Variants in NAF1 observed in about 807,000 individuals in gnomAD.
NAF1 encodes H/ACA ribonucleoprotein complex non-core subunit NAF1.
NAF1 carries 11 observed loss-of-function variants against 40.6 expected under a neutral mutation model. That is an observed-to-expected ratio of 0.27 (90% CI 0.17 to 0.45). The LOEUF (loss-of-function observed/expected upper bound fraction) is 0.45, where lower values mean the gene tolerates loss of function less well. Among genes scored for constraint, NAF1 ranks in the 20% least tolerant of loss-of-function variants. NAF1 has a pLI of 1.00. For missense variants in NAF1, 607 were observed against 611.1 expected, an observed-to-expected ratio of 0.99 and a Z score of 0.07; for synonymous variants, 260 against 228.5, an observed-to-expected ratio of 1.14 and a Z score of -1.24.
intron 4 of NAF1, among the ~76,000 whole-genome samples, chr4:163,145,076 G>A (rs1731409684): frequency 6.6e-6 from 1 of 152,048 alleles, no homozygotes; most frequent in South Asian, 2.1e-4. Flanking sequence ...CCTATTGCCA[G>A]GAAATAAATA....
chr4:163,140,004 G>A (rs1731195422), intron 5 of NAF1, among the ~76,000 whole-genome samples: 1 of 152,040 alleles, frequency 6.6e-6, no homozygotes, highest in South Asian at 2.1e-4. Context: ...TGGCTCAAAT[G>A]TGCTCTTAAT....
intron 2 of NAF1, among the ~76,000 whole-genome samples, chr4:163,112,706 T>C (rs752339665): frequency 1.3e-5 from 2 of 152,292 alleles, no homozygotes; most frequent in Non-Finnish European, 2.9e-5. Context: ...AGGCTCTTTT[T>C]GTGAAGAGGG....
downstream of NAF1, among the ~76,000 whole-genome samples, chr4:163,108,469 A>C (rs1579109439): frequency 6.6e-6 from 1 of 152,232 alleles, no homozygotes; most frequent in Non-Finnish European, 1.5e-5. Context: ...TTATGAAAAG[A>C]AAATAATATT....
chr4:163,111,454 G>A (rs1730156817), intron 2 of NAF1, among the ~76,000 whole-genome samples: 1 of 152,138 alleles, frequency 6.6e-6, no homozygotes, highest in Non-Finnish European at 1.5e-5. Flanking sequence ...AATAGAATGA[G>A]CTTGATCAAC....
intron 2 of NAF1, among the ~76,000 whole-genome samples, chr4:163,115,477 T>C (rs1730307388): frequency 1.3e-5 from 2 of 152,174 alleles, no homozygotes; most frequent in East Asian, 3.9e-4. Context: ...ATTACAGGCG[T>C]GAGCCACCAC....
chr4:163,159,336 T>C (rs1732123476), intron 2 of NAF1, among the ~76,000 whole-genome samples: 1 of 152,094 alleles, frequency 6.6e-6, no homozygotes, highest in African/African-American at 2.4e-5. Context: ...ATTGCTTAAA[T>C]AACAAGCACT....
chr4:163,150,976 A>C (rs1021281864), intron 2 of NAF1, among the ~76,000 whole-genome samples: 1 of 152,084 alleles, frequency 6.6e-6, no homozygotes, highest in Non-Finnish European at 1.5e-5. Context: ...ATCTTGCTTT[A>C]ATTTGAATTT....
intron 2 of NAF1, among the ~76,000 whole-genome samples, chr4:163,163,939 T>A (rs1156484877): frequency 6.6e-6 from 1 of 152,062 alleles, no homozygotes; most frequent in East Asian, 1.9e-4. Context: ...AAGAAATATC[T>A]TCTTCTAGGG....
rs574808680 is a variant in NAF1 at position 163,133,308 on chromosome 4, A to G, written c.931-52T>C. Reference sequence around the variant, plus strand: ...TTATGTTACATGAATTTGCCAATTCAATAGTACATACTTGGAGGTGAAGAA... The same window carrying G: ...TTATGTTACATGAATTTGCCAATTCGATAGTACATACTTGGAGGTGAAGAA... On this transcript the variant is annotated intron_variant, in intron 6 of 7. Transcript: ENST00000274054. 3 of 1,395,416 alleles carry G rather than the reference A, an allele frequency of 2.1e-6. No homozygotes were observed. The Admixed American group carries it at 5.3e-5, about 25-fold the overall frequency. 86.4% of individuals were successfully genotyped at this position (1,395,416 alleles called of 1,614,324 possible). A position where few individuals can be genotyped will look rare whatever the true frequency, so the allele number is the denominator to read the frequency against.
At chr4:163,151,613 A>C (rs1204813906) in intron 2 of NAF1, among the ~76,000 whole-genome samples, 1 of 152,124 alleles carries the variant, frequency 6.6e-6, no homozygotes, top group Non-Finnish European at 1.5e-5. Context: ...GTCAGTACTA[A>C]ACTATTTTAA....
chr4:163,143,450 G>A (rs1448934073), intron 4 of NAF1, among the ~76,000 whole-genome samples: 1 of 152,202 alleles, frequency 6.6e-6, no homozygotes, highest in Non-Finnish European at 1.5e-5. Context: ...CAGCGGCGTA[G>A]AAGGCCTGTT....
Position 163,164,338 on chromosome 4 carries a change from G to C in NAF1, c.419C>G (p.Ser140Trp). 1 of 1,597,756 alleles carries C rather than the reference G, an allele frequency of 6.3e-7. No homozygotes were observed. Residue 140 changes from serine to tryptophan, a missense_variant, in exon 2 of 8, where the codon TCG becomes TGG. Coordinates refer to ENST00000274054, the MANE Select transcript of NAF1 (RefSeq NM_138386.3). ...SSSSSSSSSS[S>W]SSSSSCISLP... ...TGATATACAAGAGGAAGAAGACGAC[G>C]ATGAGGAAGATGAAGAGGAAGACGA...
rs777898560 is a variant in NAF1, at chr4:163,129,101, T to C, written c.1281A>G (p.Pro427=). The C allele has an allele frequency of 1.2e-6, 2 of 1,611,710 alleles. No individual in the cohort carries two copies. The highest frequency in any genetic ancestry group is 2.2e-5 in the South Asian group (2 of 90,746). ...PIMPQYPFPL[P]VFDMHNFPLR... is the part of the protein sequence containing the mutation. ...GGGGAAAATTATGCATGTCAAACAC[T>C]GGAAGAGGAAAGGGGTATTGTGGCA... is the stretch of plus-strand genomic sequence containing the variant. The change falls in exon 8 of 8, where the codon CCA becomes CCG. Residue 427 remains proline (P), a synonymous_variant. Transcript: ENST00000274054.
intron 6 of NAF1, chr4:163,136,365 C>A (rs1731058482): frequency 6.7e-6 from 1 of 148,194 alleles, no homozygotes; most frequent in Non-Finnish European, 1.5e-5. Flanking sequence ...AACTGTAATA[C>A]TGAGAAAACT....
At chr4:163,124,752 C>G (rs1730606640), downstream of NAF1, among the ~76,000 whole-genome samples, 1 of 152,216 alleles carries the variant, frequency 6.6e-6, no homozygotes, top group Non-Finnish European at 1.5e-5. Context: ...TGGTATAATT[C>G]AGATGTTTCT....
At chr4:163,135,219 T>C (rs1287898413) in intron 6 of NAF1, 3 of 152,182 alleles carry the variant, frequency 2.0e-5, no homozygotes, top group African/African-American at 7.2e-5. Context: ...TTCTCCTTTT[T>C]CTCTTTTTAA....
downstream of NAF1, among the ~76,000 whole-genome samples, chr4:163,125,701 C>A (rs1183213986): frequency 6.6e-6 from 1 of 152,308 alleles, no homozygotes; most frequent in South Asian, 2.1e-4. Context: ...GATGGATGCA[C>A]TAAACACTAA....
intron 2 of NAF1, among the ~76,000 whole-genome samples, chr4:163,114,168 C>A (rs543167692): frequency 6.6e-6 from 1 of 152,172 alleles, no homozygotes; most frequent in Non-Finnish European, 1.5e-5. Context: ...ATTCAGGAAA[C>A]TGCATGTATC....
downstream of NAF1, among the ~76,000 whole-genome samples, chr4:163,105,866 G>T (rs1014871041): frequency 1.3e-5 from 2 of 152,146 alleles, no homozygotes; most frequent in Non-Finnish European, 2.9e-5. Context: ...CTGAATGCAA[G>T]CTCTAATTCA....
Sources: allele counts gnomAD v4.1 joint callset (sites outside exome capture counted in the v4.1 genomes callset), GRCh38; gene constraint gnomAD v4.1.1; transcripts MANE v1.5; gene names NCBI Gene and HGNC (gene_info 2026-07-23, HGNC 2026-07-21).